The following CLIP4 variants were observed in gnomAD, a reference collection of about 807,000 sequenced individuals.
CLIP4 encodes CAP-Gly domain containing linker protein family member 4, also known as CAP-Gly domain-containing linker protein 4.
CLIP4 carries 47 observed loss-of-function variants against 73.1 expected under a neutral mutation model. That is an observed-to-expected ratio of 0.64 (90% CI 0.51 to 0.82). The LOEUF (loss-of-function observed/expected upper bound fraction) is 0.82. CLIP4 is among the 40% of genes least tolerant of loss of function. The pLI is 0.00. For synonymous variants in CLIP4, 306 were observed against 295.4 expected, an observed-to-expected ratio of 1.04 and a Z score of -0.37; for missense variants, 874 against 852.9, an observed-to-expected ratio of 1.02 and a Z score of -0.31.
chr2:29,160,228 A>G, intron 11 of CLIP4, 105 bp from the exon 12 acceptor site: 1 of 1,368,076 alleles, frequency 7.3e-7, no homozygotes. Flanking sequence ...ACTAGTTAGA[A>G]TACCTAGTGT....
chr2:29,118,034 A>C (rs1663989184), intron 1 of CLIP4, among the ~76,000 whole-genome samples: 1 of 152,212 alleles, frequency 6.6e-6, no homozygotes, highest in Non-Finnish European at 1.5e-5. Flanking sequence ...AGCAAATAAA[A>C]GGATCATTGG....
chr2:29,138,937 T>C (rs765822220), intron 6 of CLIP4, among the ~76,000 whole-genome samples: 1 of 152,118 alleles, frequency 6.6e-6, no homozygotes, highest in Non-Finnish European at 1.5e-5. Context: ...TCGAACCATA[T>C]TGTTGGTGAA....
At chr2:29,179,329 CA>C (rs2148120984) in intron 15 of CLIP4, among the ~76,000 whole-genome samples, 1 of 152,302 alleles carries the variant, frequency 6.6e-6, no homozygotes, top group East Asian at 1.9e-4. Context: ...ATTCTTACGA[CA>C]GAGCCACATT....
At chr2:29,138,185 T>C (rs2147973480) in intron 6 of CLIP4, among the ~76,000 whole-genome samples, 2 of 152,184 alleles carry the variant, frequency 1.3e-5, no homozygotes, top group South Asian at 4.2e-4. Context: ...TTTTTGTATA[T>C]AGTGAGTAGT....
intron 7 of CLIP4, 49 bp from the exon 8 acceptor site, chr2:29,145,183 G>C (rs770088241): frequency 6.5e-7 from 1 of 1,548,882 alleles, no homozygotes. Context: ...TAGGACCCTT[G>C]GAATTACTAA....
chr2:29,141,269 A>C (rs184655354), intron 6 of CLIP4, among the ~76,000 whole-genome samples: 107 of 152,308 alleles, frequency 7.0e-4, no homozygotes, highest in African/African-American at 2.5e-3. Flanking sequence ...AGTATGTTCC[A>C]TGTGCAAATG....
At chr2:29,103,928 G>C (rs1249488072) in intron 1 of CLIP4, among the ~76,000 whole-genome samples, 1 of 151,754 alleles carries the variant, frequency 6.6e-6, no homozygotes, top group Non-Finnish European at 1.5e-5. Flanking sequence ...TGTTGGCCAG[G>C]CTGGTCTCAA....
In CLIP4 at chr2:29,149,783, G is replaced by A. The variant is rs529895219; in HGVS notation, c.1022-2902G>A. On this transcript the variant is annotated intron_variant, in intron 8 of 15. Coordinates refer to ENST00000320081, the MANE Select transcript of CLIP4 (RefSeq NM_024692.6). Reference sequence around the variant, plus strand: ...ATATAGATGAAGTTTTATATACTACGGAAATCTTTTTAAGCCATAGAATTA... The same window carrying A: ...ATATAGATGAAGTTTTATATACTACAGAAATCTTTTTAAGCCATAGAATTA... Among the ~76,000 whole-genome samples the A allele has an allele frequency of 2.7e-4, 41 of 150,830 alleles. No homozygotes were observed. The South Asian group carries it at 7.3e-3, about 27-fold the overall frequency.
At chr2:29,167,582 G>A in intron 14 of CLIP4, 42 bp downstream of exon 14, 1 of 1,483,584 alleles carries the variant, frequency 6.7e-7, no homozygotes, top group East Asian at 2.4e-5. Flanking sequence ...ATATTTCTTT[G>A]CTTTCATTTA....
At position 29,125,060 on chromosome 2, in the gene CLIP4, A is replaced by G. The variant is rs998661999; in HGVS notation, c.133+3539A>G. Among the ~76,000 whole-genome samples, 9 of 152,204 alleles carry G rather than the reference A, an allele frequency of 5.9e-5. No homozygotes were observed. The South Asian group carries it at 1.4e-3, about 25-fold the overall frequency. ...TGGGATACAGTTTAGTTACTTGGAA[A>G]TAGTTGGACCCTTTGAGGTCCTACT... is the stretch of plus-strand genomic sequence containing the variant. On this transcript the variant is annotated intron_variant, in intron 2 of 15. Coordinates refer to ENST00000320081, the MANE Select transcript of CLIP4 (RefSeq NM_024692.6).
rs1209268157 is a variant in CLIP4, at chr2:29,115,811, G to C, written c.-16+146G>C. 6.6e-6 allele frequency: 1 copy of C among 151,514 alleles called. No homozygotes were observed. The highest frequency in any genetic ancestry group is 2.4e-5 in the African/African-American group (1 of 41,312). 9.4% of individuals were successfully genotyped at this position (151,514 alleles called of 1,614,324 possible). ...AGGCGCTGGGGGCTGTGGAAGCCCC[G>C]CGGCCGCCTCCCGTGGGCACCGGTG... On this transcript the variant is annotated intron_variant, in intron 1 of 15. Coordinates refer to ENST00000320081, the MANE Select transcript of CLIP4 (RefSeq NM_024692.6). The surrounding 1 kb of genome is among the most constrained non-coding windows in gnomAD (Gnocchi z 5.1).
Position 29,152,666 on chromosome 2 carries a change from A to G in CLIP4, c.1022-19A>G, listed in dbSNP as rs779178463. Reference sequence around the variant, plus strand: ...AATGTTTTAATTGTTTAACACTAAAATTCTGCATTCTCCCTTAGGTATTTT... The same window carrying G: ...AATGTTTTAATTGTTTAACACTAAAGTTCTGCATTCTCCCTTAGGTATTTT... On this transcript the variant is annotated intron_variant, in intron 8 of 15. Transcript: ENST00000320081. 2.0e-5 allele frequency: 32 copies of G among 1,608,552 alleles called. No individual in the cohort carries two copies. The South Asian group carries it at 3.6e-4, about 18-fold the overall frequency.
At chr2:29,139,625 A>G (rs1488592760) in intron 6 of CLIP4, among the ~76,000 whole-genome samples, 1 of 151,886 alleles carries the variant, frequency 6.6e-6, no homozygotes, top group Non-Finnish European at 1.5e-5. Context: ...CTTTTTCTGG[A>G]TGGTAGGTTT....
intron 1 of CLIP4, among the ~76,000 whole-genome samples, chr2:29,108,638 CT>C (rs1668301535): frequency 6.6e-6 from 1 of 152,152 alleles, no homozygotes; most frequent in Non-Finnish European, 1.5e-5. Flanking sequence ...ATATTTTATT[CT>C]TTTTACATCT....
At chr2:29,153,064 C>T (rs1666684909) in intron 9 of CLIP4, among the ~76,000 whole-genome samples, 1 of 152,160 alleles carries the variant, frequency 6.6e-6, no homozygotes, top group Admixed American at 6.5e-5. Context: ...CTTTATCACA[C>T]ATAATCTATC....
At chr2:29,128,780 C>G (rs951952084) in intron 2 of CLIP4, among the ~76,000 whole-genome samples, 2 of 151,968 alleles carry the variant, frequency 1.3e-5, no homozygotes, top group Non-Finnish European at 2.9e-5. Flanking sequence ...CCTTCATTTT[C>G]TTTTTCAGCA....
chr2:29,149,810 A>G (rs542680070), intron 8 of CLIP4, among the ~76,000 whole-genome samples: 1 of 152,212 alleles, frequency 6.6e-6, no homozygotes, highest in South Asian at 2.1e-4. Flanking sequence ...ATAGAATTAA[A>G]TATTTAATTT....
intron 15 of CLIP4, 115 bp downstream of exon 15, chr2:29,174,560 G>T: frequency 1.4e-6 from 2 of 1,449,778 alleles, no homozygotes; most frequent in Non-Finnish European, 9.0e-7. Flanking sequence ...GTTTTAACAC[G>T]TAGGAGAAAA....
intron 4 of CLIP4, among the ~76,000 whole-genome samples, chr2:29,132,878 C>T (rs1343405458): frequency 1.3e-5 from 2 of 151,858 alleles, no homozygotes; most frequent in Non-Finnish European, 2.9e-5. Context: ...AAATATAAGC[C>T]CAAATATTTT....
Sources: gnomAD v4.1 joint callset for allele counts (sites outside exome capture counted in the v4.1 genomes callset) on GRCh38, gnomAD v4.1.1 for gene constraint, Gnocchi (gnomAD v3.1) non-coding constraint, MANE v1.5 for transcripts, NCBI Gene and HGNC (gene_info 2026-07-23, HGNC 2026-07-21) for gene names.